ATXN7L1: variants seen among roughly 807,000 people sequenced by gnomAD.
ATXN7L1 encodes ataxin-7-like protein 1.
A neutral mutation model predicts 70.8 loss-of-function variants in ATXN7L1; 15 were observed. That is an observed-to-expected ratio of 0.21 (90% CI 0.14 to 0.33). ATXN7L1 has a LOEUF of 0.33. Among genes scored for constraint, ATXN7L1 ranks in the 10% least tolerant of loss-of-function variants. ATXN7L1 has a pLI of 1.00. For missense variants in ATXN7L1, 975 were observed against 1,097.1 expected, an observed-to-expected ratio of 0.89 and a Z score of 1.57; for synonymous variants, 440 against 445.1, an observed-to-expected ratio of 0.99 and a Z score of 0.14.
intron 3 of ATXN7L1, among the ~76,000 whole-genome samples, chr7:105,684,494 T>C (rs1191386607): frequency 6.6e-6 from 1 of 152,176 alleles, no homozygotes; most frequent in Non-Finnish European, 1.5e-5. Flanking sequence ...CAGCCAGAGA[T>C]CCAATCTAGA....
intron 9 of ATXN7L1, chr7:105,617,809 C>T: frequency 2.6e-6 from 1 of 386,940 alleles, no homozygotes; most frequent in South Asian, 1.9e-5. Flanking sequence ...AAAGAGAATA[C>T]TGTGTTGGCG....
intron 3 of ATXN7L1, among the ~76,000 whole-genome samples, chr7:105,763,544 G>A (rs542897574): frequency 1.3e-5 from 2 of 152,354 alleles, no homozygotes; most frequent in African/African-American, 4.8e-5. Flanking sequence ...AGCATGAGAA[G>A]ACTTTGCAAA....
chr7:105,781,855 A>C (rs959418437), intron 3 of ATXN7L1, among the ~76,000 whole-genome samples: 25 of 152,188 alleles, frequency 1.6e-4, no homozygotes, highest in Admixed American at 9.8e-4. Context: ...TTATTTTTTG[A>C]GACAGGGAGG....
chr7:105,700,367 C>T (rs1024352106), intron 3 of ATXN7L1, among the ~76,000 whole-genome samples: 4 of 151,846 alleles, frequency 2.6e-5, no homozygotes, highest in East Asian at 1.9e-4. Context: ...ATTAGCCAGG[C>T]GTGGTGGCAT....
chr7:105,637,275 G>T (rs1320655838), intron 7 of ATXN7L1, among the ~76,000 whole-genome samples: 2 of 152,154 alleles, frequency 1.3e-5, no homozygotes, highest in African/African-American at 2.4e-5. Flanking sequence ...GGCAGATCAG[G>T]AGCCACTGCT....
chr7:105,665,161 G>T lies in ATXN7L1; in HGVS notation c.483C>A (p.Thr161=), dbSNP rs909759381. The T allele has an allele frequency of 1.3e-6, 2 of 1,551,720 alleles. No homozygotes were observed. The highest frequency in any genetic ancestry group is 1.7e-4 in the Middle Eastern group (1 of 5,992). The change falls in exon 4 of 12, where the codon ACC becomes ACA. Residue 161 remains threonine (T), a synonymous_variant. Coordinates refer to ENST00000419735, the MANE Select transcript of ATXN7L1 (RefSeq NM_020725.2). ...CTTTGGGCGTTTTGAATGGCTTTGAGGTGCTGCTGGCAGAGTGATGGCCGC... is the reference window on the plus strand; with the variant it reads ...CTTTGGGCGTTTTGAATGGCTTTGATGTGCTGCTGGCAGAGTGATGGCCGC... ...CLSGHHSASS[T]SKPFKTPKDN... is the part of the protein sequence containing the mutation.
Position 105,611,620 on chromosome 7 carries a change from T to C in ATXN7L1, c.2473-1017A>G, listed in dbSNP as rs536777823. The stretch of plus-strand genomic sequence containing the variant: ...CTCCTGACCTCAGATAATCCACCCA[T>C]CTCGGCCTCCCGAAATGCTGGGATT... On this transcript the variant is annotated intron_variant, in intron 10 of 11. Coordinates refer to ENST00000419735, the MANE Select transcript of ATXN7L1 (RefSeq NM_020725.2). Among the ~76,000 whole-genome samples, 130 of 152,306 alleles carry C rather than the reference T, an allele frequency of 8.5e-4. 1 individual carries two copies. Among genetic ancestry groups the C allele is most frequent in the African/African-American group, 3.0e-3 (125 of 41,562 alleles).
At chr7:105,791,693 T>C (rs76151684) in intron 2 of ATXN7L1, among the ~76,000 whole-genome samples, 1,729 of 152,308 alleles carry the variant, frequency 0.011, 40 homozygotes, top group African/African-American at 0.04. Context: ...TATTAACACT[T>C]CGCATCTCAT....
At chr7:105,707,218 G>A (rs779431036) in intron 3 of ATXN7L1, among the ~76,000 whole-genome samples, 2 of 152,262 alleles carry the variant, frequency 1.3e-5, no homozygotes, top group Non-Finnish European at 2.9e-5. Flanking sequence ...CAACCCAGGC[G>A]GTGGGTTGAA....
rs372907550 is a variant in ATXN7L1, at chr7:105,614,622, G to A, written c.1712C>T (p.Ser571Leu). The change falls in exon 10 of 12, where the codon TCG becomes TTG. Residue 571 changes from serine (S) to leucine (L), a missense_variant. Ser to Leu is a moderately radical substitution (Grantham distance 145, BLOSUM62 -2). Transcript: ENST00000419735. The surrounding 1 kb of genome is among the most constrained non-coding windows in gnomAD (Gnocchi z 4.3). Reference sequence around the variant, plus strand: ...GGACATGAGGGCGCTCGGGTCCGGCGATGTCACGAAAGCTGCGTTTGAGAG... The same window carrying A: ...GGACATGAGGGCGCTCGGGTCCGGCAATGTCACGAAAGCTGCGTTTGAGAG... ...AMLSNAAFVT[S>L]PDPSALMSHT... 113 of 1,551,714 alleles carry A rather than the reference G, an allele frequency of 7.3e-5. No homozygotes were observed. Among genetic ancestry groups the A allele is most frequent in the Non-Finnish European group, 9.2e-5 (106 of 1,147,036 alleles).
chr7:105,866,291 T>C (rs17152230), intron 2 of ATXN7L1, among the ~76,000 whole-genome samples: 10,334 of 152,228 alleles, frequency 0.068, 540 homozygotes, highest in East Asian at 0.26. Context: ...ATCTTCCCCA[T>C]TATGGTGACC....
At chr7:105,789,371 G>A (rs1804791728) in intron 2 of ATXN7L1, among the ~76,000 whole-genome samples, 1 of 152,228 alleles carries the variant, frequency 6.6e-6, no homozygotes, top group South Asian at 2.1e-4. Context: ...GGGAGCAGAA[G>A]AGAGAAGCAT....
intron 7 of ATXN7L1, among the ~76,000 whole-genome samples, chr7:105,629,140 C>G (rs540926356): frequency 6.6e-6 from 1 of 152,002 alleles, no homozygotes; most frequent in South Asian, 2.1e-4. Context: ...GTGAAATTTG[C>G]TTAAGATCTA....
chr7:105,754,462 A>G (rs1356230765), intron 3 of ATXN7L1, among the ~76,000 whole-genome samples: 1 of 151,140 alleles, frequency 6.6e-6, no homozygotes, highest in East Asian at 1.9e-4. Flanking sequence ...AAGTGGTGCG[A>G]TCATAGCTCA....
intron 3 of ATXN7L1, among the ~76,000 whole-genome samples, chr7:105,740,786 A>ATTTTTTTTTTTTTTTTTTTTTTTTTT (rs1481143764): frequency 2.5e-5 from 1 of 40,686 alleles, no homozygotes; most frequent in African/African-American, 2.6e-4. Context: ...TTTTTTTTTA[A>ATTTTTTTTTTTTTTTTTTTTTTTTTT]TGGAGTCTCA....
At chr7:105,631,682 G>A (rs35118285) in intron 7 of ATXN7L1, among the ~76,000 whole-genome samples, 9,330 of 152,254 alleles carry the variant, frequency 0.061, 319 homozygotes, top group Middle Eastern at 0.092. Context: ...GGCCAGGCTG[G>A]TCTCGAATTC....
At chr7:105,630,534 C>T (rs1791742316) in intron 7 of ATXN7L1, among the ~76,000 whole-genome samples, 1 of 152,000 alleles carries the variant, frequency 6.6e-6, no homozygotes, top group African/African-American at 2.4e-5. Context: ...CCAGTCTGGG[C>T]AACATGGTGA....
intron 7 of ATXN7L1, among the ~76,000 whole-genome samples, chr7:105,628,792 C>CAAAT (rs199937717): frequency 0.014 from 2,038 of 141,988 alleles, 32 homozygotes; most frequent in East Asian, 0.064. Context: ...GACTCCATCT[C>CAAAT]AAATAAATAA....
intron 3 of ATXN7L1, among the ~76,000 whole-genome samples, chr7:105,767,110 C>T (rs1291494856): frequency 6.6e-6 from 1 of 152,144 alleles, no homozygotes; most frequent in Non-Finnish European, 1.5e-5. Context: ...AATGATTTTG[C>T]AGGGGAATGA....
Sources: allele counts gnomAD v4.1 joint callset (sites outside exome capture counted in the v4.1 genomes callset), GRCh38; gene constraint gnomAD v4.1.1; non-coding constraint Gnocchi (gnomAD v3.1); transcripts MANE v1.5; gene names NCBI Gene and HGNC (gene_info 2026-07-23, HGNC 2026-07-21).